GRM4: variants seen among roughly 807,000 people sequenced by gnomAD.
GRM4 encodes the protein metabotropic glutamate receptor 4.
In GRM4, 28 loss-of-function variants were observed where a neutral mutation model predicts 81.7. The ratio of observed to expected loss-of-function variants is 0.34; its 90% confidence interval spans 0.25 to 0.47. GRM4 has a LOEUF of 0.47. Among genes scored for constraint, GRM4 ranks in the 20% least tolerant of loss-of-function variants. The pLI is 1.00. For synonymous variants in GRM4, 488 were observed against 528.8 expected (o/e 0.92, Z 1.06); for missense variants, 948 against 1,290.0 (o/e 0.73, Z 4.06).
chr6:34,068,546 A>G lies in GRM4; in HGVS notation c.737-6518T>C, dbSNP rs989375653. On this transcript the variant is annotated intron_variant, in intron 3 of 10. Coordinates refer to ENST00000538487, the MANE Select transcript of GRM4 (RefSeq NM_000841.4). This position sits in a 1 kb window ranked among gnomAD's most constrained non-coding sequence, Gnocchi z 4.2. ...GGCTCTCCCCACCCCACCTGTCTCA[A>G]AAAGTCCCCCCTCCATCCTGCAAGG... Among the ~76,000 whole-genome samples, 2 of 151,930 alleles carry G rather than the reference A, an allele frequency of 1.3e-5. No homozygotes were observed. The highest frequency in any genetic ancestry group is 1.5e-5 in the Non-Finnish European group (1 of 67,950).
rs936765478 is a variant in GRM4, at chr6:34,089,452, C to T, written c.736+2431G>A. 1.3e-5 allele frequency among the ~76,000 whole-genome samples: 2 copies of T among 151,976 alleles called. No individual in the cohort carries two copies. Among genetic ancestry groups the T allele is most frequent in the Admixed American group, 6.5e-5 (1 of 15,268 alleles). On this transcript the variant is annotated intron_variant, in intron 3 of 10. Coordinates refer to ENST00000538487, the MANE Select transcript of GRM4 (RefSeq NM_000841.4). This position sits in a 1 kb window ranked among gnomAD's most constrained non-coding sequence, Gnocchi z 4.3. Reference sequence around the variant, plus strand: ...AAATTTCATTTATTGGGTTGCGCGACGAGACCTAGCTGCCTGAACTGCCCT... The same window carrying T: ...AAATTTCATTTATTGGGTTGCGCGATGAGACCTAGCTGCCTGAACTGCCCT...
At chr6:34,065,945 C>T (rs942552642) in intron 3 of GRM4, among the ~76,000 whole-genome samples, 5 of 152,040 alleles carry the variant, frequency 3.3e-5, no homozygotes, top group African/African-American at 9.7e-5. Flanking sequence ...CAGCAGGAAC[C>T]GCTATCTCTC....
At position 34,067,913 on chromosome 6, in the gene GRM4, G is replaced by A. The variant is rs148189127; in HGVS notation, c.737-5885C>T. Among the ~76,000 whole-genome samples, 501 of 152,292 alleles carry A rather than the reference G, an allele frequency of 3.3e-3. 2 individuals are homozygous for A. Among genetic ancestry groups the A allele is most frequent in the Middle Eastern group, 0.017 (5 of 294 alleles). On this transcript the variant is annotated intron_variant, in intron 3 of 10. Coordinates refer to ENST00000538487, the MANE Select transcript of GRM4 (RefSeq NM_000841.4). Reference sequence around the variant, plus strand: ...CTGAGCATCTGCAGGCACATCTTCAGGGAAGTACAGGCCCCTCTCACATCA... The same window carrying A: ...CTGAGCATCTGCAGGCACATCTTCAAGGAAGTACAGGCCCCTCTCACATCA...
chr6:34,071,710 A>ACACAC, intron 3 of GRM4, among the ~76,000 whole-genome samples: 1 of 144,774 alleles, frequency 6.9e-6, no homozygotes. Flanking sequence ...GATACACACC[A>ACACAC]TGCACACACA....
chr6:34,022,513 G>A lies in GRM4; in HGVS notation c.*308C>T, dbSNP rs77415386. On this transcript the variant is annotated 3_prime_UTR_variant, in exon 11 of 11. Coordinates refer to ENST00000538487, the MANE Select transcript of GRM4 (RefSeq NM_000841.4). This position sits in a 1 kb window ranked among gnomAD's most constrained non-coding sequence, Gnocchi z 5.6. ...CAGCACAGACAGAGACGAAGGGAGG[G>A]AGAGATCTAGCACTGGGGCCCACAC... The A allele has an allele frequency of 2.6e-3, 1,131 of 437,838 alleles. 8 individuals carry two copies. Among genetic ancestry groups the A allele is most frequent in the African/African-American group, 0.016 (787 of 50,396 alleles). The allele number at this position is 437,838 out of a possible 1,614,324, so 27.1% of individuals were successfully genotyped here.
rs1274532130 is a variant in GRM4 at position 34,042,802 on chromosome 6, T to A, written c.1169-2054A>T. Among the ~76,000 whole-genome samples, 13 of 152,162 alleles carry A rather than the reference T, an allele frequency of 8.5e-5. No homozygotes were observed. Among genetic ancestry groups the A allele is most frequent in the Admixed American group, 4.6e-4 (7 of 15,300 alleles). On this transcript the variant is annotated intron_variant, in intron 6 of 10. Transcript: ENST00000538487. The surrounding 1 kb of genome is among the most constrained non-coding windows in gnomAD (Gnocchi z 4.2). ...GAAGGCAGACCCAGGGTGCAGGGGA[T>A]CTCACTGCCTCTCCCTGAGGCAGTA...
At chr6:34,040,886 A>C in intron 6 of GRM4, 138 bp from the exon 7 acceptor site, 1 of 686,288 alleles carries the variant, frequency 1.5e-6, no homozygotes, top group East Asian at 2.7e-5. Context: ...CCTGACTCCC[A>C]GCCCAGTGCT....
At chr6:34,144,240 G>T (rs1770822899) in intron 1 of GRM4, among the ~76,000 whole-genome samples, 1 of 152,194 alleles carries the variant, frequency 6.6e-6, no homozygotes, top group South Asian at 2.1e-4. Flanking sequence ...CCTGGTGCGG[G>T]GGCGCCTCTC....
In GRM4 at chr6:34,115,657, G is replaced by C. The variant is rs1561821920; in HGVS notation, c.519+17321C>G. Among the ~76,000 whole-genome samples, 1 of 152,210 alleles carries C rather than the reference G, an allele frequency of 6.6e-6. No individual in the cohort carries two copies. Among genetic ancestry groups the C allele is most frequent in the Non-Finnish European group, 1.5e-5 (1 of 68,038 alleles). ...TTCTAGCTTCCCAAAGGGGCCCTGG[G>C]ACAAGCCTTGCTGGGTTTTGGGCCC... On this transcript the variant is annotated intron_variant, in intron 2 of 10. Coordinates refer to ENST00000538487, the MANE Select transcript of GRM4 (RefSeq NM_000841.4). The surrounding 1 kb of genome is among the most constrained non-coding windows in gnomAD (Gnocchi z 4.1).
chr6:34,103,469 G>C, intron 2 of GRM4: 1 of 803,910 alleles, frequency 1.2e-6, no homozygotes, highest in Non-Finnish European at 2.0e-6. Context: ...CCGCAGATAA[G>C]AGCGCCCGAG....
At chr6:34,119,169 G>A (rs986617892) in intron 2 of GRM4, among the ~76,000 whole-genome samples, 1 of 152,202 alleles carries the variant, frequency 6.6e-6, no homozygotes, top group Admixed American at 6.5e-5. Flanking sequence ...GCCAAGGCGG[G>A]TGGATCATTT....
At position 34,103,050 on chromosome 6, in the gene GRM4, C is replaced by G. The variant is rs545192397; in HGVS notation, c.520-10951G>C. ...CAGGCAGGACCCTCCCTCTGGCATC[C>G]CTCACCTCCTGGGGCCTGTCACACC... On this transcript the variant is annotated intron_variant, in intron 2 of 10. Coordinates refer to ENST00000538487, the MANE Select transcript of GRM4 (RefSeq NM_000841.4). 3.3e-5 allele frequency among the ~76,000 whole-genome samples: 5 copies of G among 152,336 alleles called. No homozygotes were observed. In the East Asian group the frequency reaches 9.6e-4, roughly 29 times the overall value.
At chr6:34,101,055 A>C (rs1768811311) in intron 2 of GRM4, among the ~76,000 whole-genome samples, 1 of 152,110 alleles carries the variant, frequency 6.6e-6, no homozygotes, top group Non-Finnish European at 1.5e-5. Flanking sequence ...ATTAGGCTCC[A>C]CCTCTGGGAG....
chr6:34,121,261 C>T lies in GRM4; in HGVS notation c.519+11717G>A, dbSNP rs905486191. Among the ~76,000 whole-genome samples the T allele has an allele frequency of 5.3e-5, 8 of 152,194 alleles. No individual in the cohort carries two copies. The highest frequency in any genetic ancestry group is 3.2e-3 in the Middle Eastern group (1 of 316). Reference sequence around the variant, plus strand: ...TGGCTAGGGTCTCCCAGCTGGAATTCATTCCCTGGGATTAAGGGTTGTTCT... The same window carrying T: ...TGGCTAGGGTCTCCCAGCTGGAATTTATTCCCTGGGATTAAGGGTTGTTCT... On this transcript the variant is annotated intron_variant, in intron 2 of 10. Coordinates refer to ENST00000538487, the MANE Select transcript of GRM4 (RefSeq NM_000841.4). This position sits in a 1 kb window ranked among gnomAD's most constrained non-coding sequence, Gnocchi z 4.6.
chr6:34,099,154 G>A (rs1487437524), intron 2 of GRM4, among the ~76,000 whole-genome samples: 4 of 152,334 alleles, frequency 2.6e-5, no homozygotes, highest in Admixed American at 6.5e-5. Context: ...TGAGGGAAAC[G>A]ATGGCAGGGC....
chr6:34,056,435 C>CGGCCG, intron 6 of GRM4, 109 bp downstream of exon 6: 2 of 1,033,300 alleles, frequency 1.9e-6, no homozygotes, highest in Admixed American at 2.4e-5. Context: ...CGTCCTGCCA[C>CGGCCG]GGCCGGCCGA....
chr6:34,145,686 G>C (rs1222330750), intron 1 of GRM4, among the ~76,000 whole-genome samples: 2 of 152,240 alleles, frequency 1.3e-5, no homozygotes, highest in Non-Finnish European at 2.9e-5. Flanking sequence ...GCAAGGGGGC[G>C]AGGGGGCCGC....
chr6:34,052,467 C>A lies in GRM4; in HGVS notation c.1168+4077G>T, dbSNP rs188259681. Among the ~76,000 whole-genome samples the A allele has an allele frequency of 7.2e-4, 110 of 152,322 alleles. 1 individual carries two copies. Among genetic ancestry groups the A allele is most frequent in the South Asian group, 6.6e-3 (32 of 4,824 alleles). ...TAAGGGTCCTTCCCACCCTCTTGGA[C>A]GGTCACCAGGCCCATCCATCACCTG... On this transcript the variant is annotated intron_variant, in intron 6 of 10. Transcript: ENST00000538487.
At chr6:34,151,211 A>C (rs1246680875) in intron 1 of GRM4, among the ~76,000 whole-genome samples, 1 of 152,138 alleles carries the variant, frequency 6.6e-6, no homozygotes, top group African/African-American at 2.4e-5. Flanking sequence ...CTGGCCCTCC[A>C]CTGGGCTGAC....
Sources: gnomAD v4.1 joint callset for allele counts (sites outside exome capture counted in the v4.1 genomes callset) on GRCh38, gnomAD v4.1.1 for gene constraint, Gnocchi (gnomAD v3.1) non-coding constraint, MANE v1.5 for transcripts, NCBI Gene and HGNC (gene_info 2026-07-23, HGNC 2026-07-21) for gene names.